CDH12: variants seen among roughly 807,000 people sequenced by gnomAD.
CDH12 encodes cadherin 12.
CDH12 carries 41 observed loss-of-function variants against 74.1 expected under a neutral mutation model. The ratio of observed to expected loss-of-function variants is 0.55; its 90% CI spans 0.43 to 0.72. CDH12 has a LOEUF of 0.72. Among genes scored for constraint, CDH12 ranks in the 30% least tolerant of loss-of-function variants. The probability of loss-of-function intolerance (pLI) is 0.00; values close to 1 mark genes in which losing one functional copy is unlikely to be tolerated. For synonymous variants in CDH12, 399 were observed against 355.0 expected (o/e 1.12, Z -1.39); for missense variants, 945 against 977.2 (o/e 0.97, Z 0.44).
intron 2 of CDH12, among the ~76,000 whole-genome samples, chr5:22,485,140 C>A (rs184841232): frequency 6.6e-6 from 1 of 151,732 alleles, no homozygotes; most frequent in African/African-American, 2.4e-5. Context: ...TGTTTATTAT[C>A]TTATTTATGG....
intron 1 of CDH12, among the ~76,000 whole-genome samples, chr5:22,516,423 A>G (rs965111712): frequency 3.9e-5 from 6 of 152,182 alleles, no homozygotes; most frequent in Admixed American, 3.3e-4. Context: ...CATTTTTATT[A>G]AGAAGCTAAT....
At chr5:21,906,891 G>A (rs2150059518) in intron 6 of CDH12, among the ~76,000 whole-genome samples, 1 of 152,240 alleles carries the variant, frequency 6.6e-6, no homozygotes, top group East Asian at 1.9e-4. Flanking sequence ...TGCCCAGGCT[G>A]GTCTTGAGCT....
At chr5:22,628,836 T>C (rs1361985378) in intron 1 of CDH12, among the ~76,000 whole-genome samples, 2 of 151,816 alleles carry the variant, frequency 1.3e-5, no homozygotes, top group Admixed American at 6.6e-5. Context: ...ATAAATAAGA[T>C]TGATAGACTG....
At chr5:21,801,788 G>T (rs906562431) in intron 10 of CDH12, among the ~76,000 whole-genome samples, 2 of 152,134 alleles carry the variant, frequency 1.3e-5, no homozygotes, top group African/African-American at 4.8e-5. Context: ...ATTATAAAAT[G>T]TATTAATGTC....
At chr5:21,950,488 G>A (rs1378535342) in intron 6 of CDH12, among the ~76,000 whole-genome samples, 1 of 151,708 alleles carries the variant, frequency 6.6e-6, no homozygotes, top group African/African-American at 2.4e-5. Flanking sequence ...CATATAAATT[G>A]TTAAACATAA....
At chr5:21,841,096 G>A (rs938210900) in intron 8 of CDH12, among the ~76,000 whole-genome samples, 18 of 152,186 alleles carry the variant, frequency 1.2e-4, no homozygotes, top group South Asian at 1.0e-3. Flanking sequence ...GAAAATTTTC[G>A]CAAGCTACTC....
intron 1 of CDH12, among the ~76,000 whole-genome samples, chr5:22,620,146 T>C (rs1737899726): frequency 6.6e-6 from 1 of 152,122 alleles, no homozygotes; most frequent in Admixed American, 6.6e-5. Context: ...AATCAATGTG[T>C]ATTGTCAGAA....
At chr5:22,392,268 A>G (rs1742279810) in intron 3 of CDH12, among the ~76,000 whole-genome samples, 2 of 152,068 alleles carry the variant, frequency 1.3e-5, no homozygotes, top group African/African-American at 4.8e-5. Context: ...GTGTTGGTTA[A>G]TTTTACTCTA....
rs528373229 is a variant in CDH12, at chr5:22,581,795, C to A, written c.-522-76431G>T. 1.2e-4 allele frequency among the ~76,000 whole-genome samples: 18 copies of A among 152,214 alleles called. No homozygotes were observed. The South Asian group carries it at 3.7e-3, about 32-fold the overall frequency. ...CTTTATATGTTACCTGATGCTTTTG[C>A]CTCATAGCTCTTAAGTTTCTTTGCT... is the stretch of plus-strand genomic sequence containing the variant. On this transcript the variant is annotated intron_variant, in intron 1 of 14. Coordinates refer to ENST00000382254, the MANE Select transcript of CDH12 (RefSeq NM_004061.5).
rs147002736 is a variant in CDH12, at chr5:22,275,024, T to C, written c.-332-62381A>G. On this transcript the variant is annotated intron_variant, in intron 3 of 14. Coordinates refer to ENST00000382254, the MANE Select transcript of CDH12 (RefSeq NM_004061.5). ...TTAGTAAATGAGTAAAATTCAACAT[T>C]ATGAAAAGTGCACCAGCTTCTGAGT... is the stretch of plus-strand genomic sequence containing the variant. 6.6e-5 allele frequency among the ~76,000 whole-genome samples: 10 copies of C among 152,192 alleles called. No homozygotes were observed. In the East Asian group the frequency reaches 1.9e-3, roughly 29 times the overall value.
intron 1 of CDH12, among the ~76,000 whole-genome samples, chr5:22,509,266 T>A (rs1028103795): frequency 1.3e-5 from 2 of 152,186 alleles, no homozygotes; most frequent in Non-Finnish European, 2.9e-5. Flanking sequence ...TAACCTGCAA[T>A]TATGTGTGAC....
intron 2 of CDH12, among the ~76,000 whole-genome samples, chr5:22,469,416 G>A (rs369882935): frequency 3.4e-4 from 52 of 152,208 alleles, no homozygotes; most frequent in African/African-American, 4.6e-4. Flanking sequence ...GTAGAAAGCT[G>A]TCTTCTCCCT....
At chr5:22,685,137 A>C (rs996329889) in intron 1 of CDH12, among the ~76,000 whole-genome samples, 9 of 152,292 alleles carry the variant, frequency 5.9e-5, no homozygotes, top group African/African-American at 2.2e-4. Context: ...TTCATATATC[A>C]TTTGCCTATT....
At chr5:21,784,644 G>A (rs1466767575) in intron 10 of CDH12, among the ~76,000 whole-genome samples, 1 of 152,116 alleles carries the variant, frequency 6.6e-6, no homozygotes, top group African/African-American at 2.4e-5. Flanking sequence ...GAACCAAAGA[G>A]AGATCATTTC....
chr5:22,498,020 T>C (rs1324705281), intron 2 of CDH12, among the ~76,000 whole-genome samples: 1 of 152,160 alleles, frequency 6.6e-6, no homozygotes, highest in Admixed American at 6.5e-5. Flanking sequence ...TGTTGGTTTT[T>C]GAATAGCTCT....
chr5:21,905,738 A>G (rs1477877581), intron 6 of CDH12, among the ~76,000 whole-genome samples: 4 of 65,460 alleles, frequency 6.1e-5, no homozygotes, highest in Non-Finnish European at 1.7e-4. Context: ...GAGAGACCTC[A>G]TCAATTACTA....
At chr5:22,396,978 T>C (rs1742487463) in intron 3 of CDH12, among the ~76,000 whole-genome samples, 1 of 152,110 alleles carries the variant, frequency 6.6e-6, no homozygotes, top group Non-Finnish European at 1.5e-5. Flanking sequence ...ATTGCTTTTC[T>C]CTCTTCTCTT....
chr5:22,034,702 G>T (rs1313409805), intron 5 of CDH12, among the ~76,000 whole-genome samples: 1 of 152,130 alleles, frequency 6.6e-6, no homozygotes, highest in African/African-American at 2.4e-5. Context: ...AAAAACATTT[G>T]TGCTGTAATT....
intron 4 of CDH12, among the ~76,000 whole-genome samples, chr5:22,131,881 G>T (rs1384699371): frequency 6.6e-6 from 1 of 152,058 alleles, no homozygotes; most frequent in Non-Finnish European, 1.5e-5. Context: ...AGGGGAGCTG[G>T]GTTGTTTTGA....
Sources: gnomAD v4.1 joint callset for allele counts (sites outside exome capture counted in the v4.1 genomes callset) on GRCh38, gnomAD v4.1.1 for gene constraint, MANE v1.5 for transcripts, NCBI Gene and HGNC (gene_info 2026-07-23, HGNC 2026-07-21) for gene names.